Variants in PRKN observed in about 807,000 individuals in gnomAD.
The protein encoded by PRKN is parkin RBR E3 ubiquitin protein ligase.
In PRKN, 56 loss-of-function variants were observed where a neutral mutation model predicts 59.5. That is an observed-to-expected ratio of 0.94 (90% CI 0.76 to 1.18). The LOEUF (loss-of-function observed/expected upper bound fraction) is 1.18. PRKN is among the 50% of genes most tolerant of loss of function. The probability of loss-of-function intolerance (pLI) is 0.00; values close to 1 mark genes in which losing one functional copy is unlikely to be tolerated. For synonymous variants in PRKN, 250 were observed against 222.1 expected, an observed-to-expected ratio of 1.13 and a Z score of -1.12; for missense variants, 657 against 596.4, an observed-to-expected ratio of 1.10 and a Z score of -1.06.
chr6:161,746,715 GAT>G (rs948409818), intron 7 of PRKN, among the ~76,000 whole-genome samples: 3 of 143,334 alleles, frequency 2.1e-5, no homozygotes, highest in East Asian at 2.0e-4. Flanking sequence ...TGTATATATA[GAT>G]ATATATGTCT....
intron 9 of PRKN, among the ~76,000 whole-genome samples, chr6:161,412,044 C>T (rs12660295): frequency 0.27 from 38,716 of 145,744 alleles, 6,086 homozygotes; most frequent in East Asian, 0.8. Flanking sequence ...CCTCCACTCA[C>T]TCATTCCTTC....
intron 2 of PRKN, among the ~76,000 whole-genome samples, chr6:162,341,985 T>C (rs190376142): frequency 1.2e-4 from 19 of 152,256 alleles, no homozygotes; most frequent in Admixed American, 1.2e-3. Flanking sequence ...TAAATTAACA[T>C]TGTAGAGGGT....
At chr6:162,213,804 TACACACACACAC>T (rs58192789) in intron 3 of PRKN, among the ~76,000 whole-genome samples, 7,290 of 126,570 alleles carry the variant, frequency 0.058, 307 homozygotes, top group East Asian at 0.11. Flanking sequence ...AAAAAAACCA[TACACACACACAC>T]ACACACACAC....
intron 3 of PRKN, among the ~76,000 whole-genome samples, chr6:162,247,868 T>C (rs751792878): frequency 5.3e-5 from 8 of 152,180 alleles, no homozygotes; most frequent in Non-Finnish European, 1.0e-4. Context: ...ACTTGTTAAT[T>C]TGATTAAATC....
intron 1 of PRKN, among the ~76,000 whole-genome samples, chr6:162,537,229 C>T (rs938790233): frequency 2.6e-5 from 4 of 152,076 alleles, no homozygotes; most frequent in African/African-American, 9.7e-5. Flanking sequence ...AATCAATACA[C>T]GGAAATTTCT....
At chr6:162,362,669 A>T (rs907026492) in intron 2 of PRKN, among the ~76,000 whole-genome samples, 8 of 152,186 alleles carry the variant, frequency 5.3e-5, no homozygotes, top group Non-Finnish European at 1.2e-4. Context: ...TAGTAGGAAG[A>T]GGCGGACTCA....
At chr6:162,235,374 T>A (rs1467396992) in intron 3 of PRKN, among the ~76,000 whole-genome samples, 3 of 152,210 alleles carry the variant, frequency 2.0e-5, no homozygotes, top group Non-Finnish European at 2.9e-5. Flanking sequence ...AAATGAGTCT[T>A]ACGACATGCC....
At chr6:161,923,937 A>G (rs1445862844) in intron 6 of PRKN, among the ~76,000 whole-genome samples, 2 of 152,088 alleles carry the variant, frequency 1.3e-5, no homozygotes, top group African/African-American at 4.8e-5. Flanking sequence ...ATTGCTTTGT[A>G]CACACAGCCC....
chr6:162,304,821 T>C (rs200378022), intron 2 of PRKN, among the ~76,000 whole-genome samples: 1 of 141,538 alleles, frequency 7.1e-6, no homozygotes. Flanking sequence ...CAGCTGCTGC[T>C]GCCAGATGTG....
rs182542960 is a variant in PRKN, at chr6:162,342,690, C to T, written c.172-79925G>A. Among the ~76,000 whole-genome samples the T allele has an allele frequency of 1.2e-4, 18 of 152,248 alleles. No homozygotes were observed. In the East Asian group the frequency reaches 1.7e-3, roughly 15 times the overall value. ...GTGACTCTAAGGCAGATTTAAGGCA[C>T]GGCTTCTCTAAGCTCTTGTGTTGTC... On this transcript the variant is annotated intron_variant, in intron 2 of 11. Transcript: ENST00000366898.
chr6:161,438,671 GA>G (rs1345414575), intron 9 of PRKN, among the ~76,000 whole-genome samples: 2 of 152,286 alleles, frequency 1.3e-5, no homozygotes, highest in East Asian at 3.9e-4. Flanking sequence ...TGGAAACCGA[GA>G]GAGAGAAGAA....
chr6:162,286,165 C>T (rs1212351679), intron 2 of PRKN, among the ~76,000 whole-genome samples: 1 of 152,100 alleles, frequency 6.6e-6, no homozygotes, highest in Non-Finnish European at 1.5e-5. Context: ...AAACTGGAAG[C>T]TTCCTTTTTA....
Position 161,506,327 on chromosome 6 carries a change from T to C in PRKN, c.1083+42527A>G, listed in dbSNP as rs182774529. On this transcript the variant is annotated intron_variant, in intron 9 of 11. Transcript: ENST00000366898. ...TTCACTCATGATTTGGCTCTCTGTT[T>C]GTCTGCTATTGGTGTATAAGAATGC... Among the ~76,000 whole-genome samples, 888 of 152,308 alleles carry C rather than the reference T, an allele frequency of 5.8e-3. 3 individuals are homozygous for C. The highest frequency in any genetic ancestry group is 0.016 in the South Asian group (75 of 4,826).
At chr6:162,183,796 T>C (rs1490020591) in intron 4 of PRKN, among the ~76,000 whole-genome samples, 1 of 152,158 alleles carries the variant, frequency 6.6e-6, no homozygotes, top group Non-Finnish European at 1.5e-5. Context: ...CCTCGATCCC[T>C]ACCATACACC....
At chr6:162,531,357 TAGAG>T (rs1207196421) in intron 1 of PRKN, among the ~76,000 whole-genome samples, 1 of 151,958 alleles carries the variant, frequency 6.6e-6, no homozygotes, top group African/African-American at 2.4e-5. Context: ...GGAATTGCAA[TAGAG>T]AAAGAGTAAT....
intron 3 of PRKN, among the ~76,000 whole-genome samples, chr6:162,241,199 A>G (rs140450952): frequency 5.9e-5 from 9 of 152,274 alleles, no homozygotes; most frequent in African/African-American, 2.2e-4. Flanking sequence ...ATTTTAGTCT[A>G]TCATGTAGGA....
intron 6 of PRKN, among the ~76,000 whole-genome samples, chr6:161,962,373 T>C (rs893636842): frequency 7.2e-5 from 11 of 152,114 alleles, no homozygotes; most frequent in Non-Finnish European, 8.8e-5. Flanking sequence ...AAGGATAAAA[T>C]TGCCATTAGA....
chr6:162,725,571 G>T (rs1253669838), intron 1 of PRKN, among the ~76,000 whole-genome samples: 4 of 152,048 alleles, frequency 2.6e-5, no homozygotes, highest in African/African-American at 7.3e-5. Flanking sequence ...ACCAGCCTGG[G>T]CAACATTATG....
At chr6:162,038,955 C>A (rs1248623134) in intron 5 of PRKN, among the ~76,000 whole-genome samples, 1 of 152,016 alleles carries the variant, frequency 6.6e-6, no homozygotes, top group Admixed American at 6.6e-5. Flanking sequence ...GAGATCGAGA[C>A]CATCCTGGCT....
Sources: allele counts gnomAD v4.1 joint callset (sites outside exome capture counted in the v4.1 genomes callset), GRCh38; gene constraint gnomAD v4.1.1; transcripts MANE v1.5; gene names NCBI Gene and HGNC (gene_info 2026-07-23, HGNC 2026-07-21).